The following VAMP3 variants were observed in gnomAD, a reference collection of about 807,000 sequenced individuals.
The protein encoded by VAMP3 is vesicle associated membrane protein 3, also known as vesicle-associated membrane protein 3.
A neutral mutation model predicts 18.1 loss-of-function variants in VAMP3; 11 were observed. The observed-to-expected ratio is 0.61, with a 90% CI of 0.38 to 1.00. The LOEUF (loss-of-function observed/expected upper bound fraction) is 1.00. Ranked by LOEUF, VAMP3 falls within the 50% of genes least tolerant of loss-of-function variation. The pLI is 0.01. For missense variants in VAMP3, 122 were observed against 127.3 expected, an observed-to-expected ratio of 0.96 and a Z score of 0.20; for synonymous variants, 49 against 43.1, an observed-to-expected ratio of 1.14 and a Z score of -0.53.
chr1:7,779,143 C>G (rs1347267600), intron 4 of VAMP3, among the ~76,000 whole-genome samples: 1 of 151,990 alleles, frequency 6.6e-6, no homozygotes, highest in African/African-American at 2.4e-5. Context: ...TGCAGTGAGC[C>G]AAGATCATGC....
At position 7,773,470 on chromosome 1, in the gene VAMP3, A is replaced by G. The variant is rs540062245; in HGVS notation, c.31A>G (p.Ser11Gly). Residue 11 changes from serine (S) to glycine (G), a missense_variant, in exon 2 of 5, where the codon AGT becomes GGT. Transcript: ENST00000054666. ...TACAGGTCCAACTGCTGCCACTGGC[A>G]GTAATCGAAGACTTCAGCAGACACA... MSTGPTAATG[S>G]NRRLQQTQNQ... is the part of the protein sequence containing the mutation. 4 of 1,614,192 alleles carry G rather than the reference A, an allele frequency of 2.5e-6. No individual in the cohort carries two copies. The South Asian group carries it at 4.4e-5, about 18-fold the overall frequency.
At chr1:7,773,588 A>T (rs1221165452) in intron 2 of VAMP3, 77 bp downstream of exon 2, 5 of 1,392,254 alleles carry the variant, frequency 3.6e-6, no homozygotes, top group Non-Finnish European at 5.0e-6. Context: ...AAAAAGTATC[A>T]TCAAAGTGTG....
Position 7,777,235 on chromosome 1 carries a change from G to GC in VAMP3, c.149dup (p.Asp51ArgfsTer11). 6.2e-7 allele frequency: 1 copy of GC among 1,613,902 alleles called. No homozygotes were observed. Among genetic ancestry groups the GC allele is most frequent in the Non-Finnish European group, 8.5e-7 (1 of 1,179,944 alleles). On this transcript the variant is annotated frameshift_variant, in exon 3 of 5. Coordinates refer to ENST00000054666, the MANE Select transcript of VAMP3 (RefSeq NM_004781.4). LOFTEE classifies it high-confidence loss of function. ...GAAGCTCTCTGAGTTAGACGACCGT[G>GC]CAGACGCACTGCAGGCAGGCGCTTC...
chr1:7,779,506 A>G (rs1350533660), intron 4 of VAMP3, 120 bp from the exon 5 acceptor site: 56 of 1,422,266 alleles, frequency 3.9e-5, no homozygotes, highest in Non-Finnish European at 4.8e-5. Context: ...GTAGTAGGAA[A>G]TCAGCCCAGT....
rs2097056787 is a variant in VAMP3, at chr1:7,780,928, G to T, written c.*1283G>T. 6.6e-6 allele frequency: 1 copy of T among 152,488 alleles called. No individual in the cohort carries two copies. Among genetic ancestry groups the T allele is most frequent in the African/African-American group, 2.4e-5 (1 of 41,450 alleles). The allele number at this position is 152,488 out of a possible 1,614,324, so 9.4% of individuals were successfully genotyped here. On this transcript the variant is annotated 3_prime_UTR_variant, in exon 5 of 5. Transcript: ENST00000054666. ...GTCATCGGAAAAACTTTTCTTGTAT[G>T]CATGAGACTCAACATCAGGATCCAC...
At chr1:7,777,072 A>G in intron 2 of VAMP3, 88 bp from the exon 3 acceptor site, 2 of 1,451,358 alleles carry the variant, frequency 1.4e-6, no homozygotes, top group Admixed American at 2.3e-5. Context: ...CGGCCTCCCA[A>G]AGTGCTAGGA....
At chr1:7,777,435 A>T in intron 3 of VAMP3, 117 bp downstream of exon 3, 2 of 1,315,632 alleles carry the variant, frequency 1.5e-6, no homozygotes, top group Non-Finnish European at 2.1e-6. Context: ...CTTCCTCCAC[A>T]TGGAAATGTG....
At chr1:7,776,909 C>T (rs753986047) in intron 2 of VAMP3, 9 of 269,258 alleles carry the variant, frequency 3.3e-5, no homozygotes, top group Non-Finnish European at 4.9e-5. Flanking sequence ...TGGGTTCAAG[C>T]GAGTCTCCTG....
At chr1:7,773,635 C>G in intron 2 of VAMP3, 124 bp downstream of exon 2, 1 of 920,260 alleles carries the variant, frequency 1.1e-6, no homozygotes, top group Non-Finnish European at 1.7e-6. Flanking sequence ...ATAATTGTAA[C>G]GAAACTTTGC....
At chr1:7,777,036 C>T (rs930868274) in intron 2 of VAMP3, 124 bp from the exon 3 acceptor site, 1 of 1,150,144 alleles carries the variant, frequency 8.7e-7, no homozygotes, top group Admixed American at 2.9e-5. Context: ...GTCTCGAACT[C>T]CTGACCACAG....
intron 1 of VAMP3, among the ~76,000 whole-genome samples, chr1:7,772,464 G>A (rs1257294835): frequency 1.3e-5 from 2 of 152,198 alleles, no homozygotes; most frequent in African/African-American, 2.4e-5. Flanking sequence ...TCGAGGAGGC[G>A]GGACTTTATA....
At chr1:7,771,985 T>C (rs1286782182) in intron 1 of VAMP3, among the ~76,000 whole-genome samples, 2 of 152,206 alleles carry the variant, frequency 1.3e-5, no homozygotes, top group African/African-American at 4.8e-5. Flanking sequence ...TTCTGCTCAT[T>C]GCTCACCGTC....
chr1:7,778,756 A>T (rs1488875146), intron 4 of VAMP3, among the ~76,000 whole-genome samples: 2 of 152,176 alleles, frequency 1.3e-5, no homozygotes, highest in Non-Finnish European at 2.9e-5. Flanking sequence ...CCTGTGATCC[A>T]TCCTGGCTCC....
At chr1:7,777,541 G>A (rs1286847024) in intron 3 of VAMP3, among the ~76,000 whole-genome samples, 1 of 152,150 alleles carries the variant, frequency 6.6e-6, no homozygotes, top group Non-Finnish European at 1.5e-5. Flanking sequence ...GAAGATGCAG[G>A]TAGAACAGGA....
At chr1:7,777,630 G>A (rs2097054935) in intron 3 of VAMP3, among the ~76,000 whole-genome samples, 1 of 152,214 alleles carries the variant, frequency 6.6e-6, no homozygotes, top group Non-Finnish European at 1.5e-5. Context: ...GGAGAGGGCT[G>A]GAATTGGTCA....
rs1352239308 is a variant in VAMP3 at position 7,777,244 on chromosome 1, C to T, written c.157C>T (p.Leu53=). 10 of 1,613,894 alleles carry T rather than the reference C, an allele frequency of 6.2e-6. No individual in the cohort carries two copies. The highest frequency in any genetic ancestry group is 8.5e-6 in the Non-Finnish European group (10 of 1,179,946). ...LSELDDRADA[L]QAGASQFETS... ...TGAGTTAGACGACCGTGCAGACGCA[C>T]TGCAGGCAGGCGCTTCTCAATTTGA... The change falls in exon 3 of 5, where the codon CTG becomes TTG. Residue 53 remains leucine (L), a synonymous_variant. Coordinates refer to ENST00000054666, the MANE Select transcript of VAMP3 (RefSeq NM_004781.4).
At chr1:7,778,991 C>T (rs1167700353) in intron 4 of VAMP3, among the ~76,000 whole-genome samples, 1 of 152,112 alleles carries the variant, frequency 6.6e-6, no homozygotes, top group African/African-American at 2.4e-5. Flanking sequence ...GTCAGGAGAT[C>T]AAGACCATCC....
chr1:7,779,496 G>A lies in VAMP3; in HGVS notation c.284-130G>A. 2.3e-6 allele frequency: 3 copies of A among 1,290,236 alleles called. No homozygotes were observed. In the South Asian group the frequency reaches 3.9e-5, roughly 17 times the overall value. The allele number at this position is 1,290,236 out of a possible 1,614,324, so 79.9% of individuals were successfully genotyped here. ...CCCTCTATAGAATGGAGAGAAGCCAGTAGTAGGAAATCAGCCCAGTCTAAT... is the reference window on the plus strand; with the variant it reads ...CCCTCTATAGAATGGAGAGAAGCCAATAGTAGGAAATCAGCCCAGTCTAAT... On this transcript the variant is annotated intron_variant, in intron 4 of 4. Transcript: ENST00000054666.
Position 7,779,781 on chromosome 1 carries a change from A to C in VAMP3, c.*136A>C. 8.2e-7 allele frequency: 1 copy of C among 1,224,010 alleles called. No homozygotes were observed. Among genetic ancestry groups the C allele is most frequent in the Non-Finnish European group, 1.2e-6 (1 of 864,138 alleles). The allele number at this position is 1,224,010 out of a possible 1,614,324, so 75.8% of individuals were successfully genotyped here. On this transcript the variant is annotated 3_prime_UTR_variant, in exon 5 of 5. Coordinates refer to ENST00000054666, the MANE Select transcript of VAMP3 (RefSeq NM_004781.4). The stretch of plus-strand genomic sequence containing the variant: ...GTTAATGTAAAGTTGAATTTCTAGG[A>C]AACGTGCCTTTGTTTTTTAATATGC...
Sources: allele counts gnomAD v4.1 joint callset (sites outside exome capture counted in the v4.1 genomes callset), GRCh38; gene constraint gnomAD v4.1.1; transcripts MANE v1.5; gene names NCBI Gene and HGNC (gene_info 2026-07-23, HGNC 2026-07-21).